SLC25A21: variants seen among roughly 807,000 people sequenced by gnomAD.
The protein encoded by SLC25A21 is mitochondrial 2-oxodicarboxylate carrier.
In SLC25A21, 47 loss-of-function variants were observed where a neutral mutation model predicts 43.8. The ratio of observed to expected loss-of-function variants is 1.07; its 90% CI spans 0.85 to 1.37. The LOEUF (loss-of-function observed/expected upper bound fraction) is 1.37, where lower values mean the gene tolerates loss of function less well. Ranked by LOEUF, SLC25A21 falls within the 40% of genes most tolerant of loss-of-function variation. The pLI is 0.00. For missense variants in SLC25A21, 352 were observed against 350.2 expected (o/e 1.00, Z -0.04); for synonymous variants, 131 against 121.3 (o/e 1.08, Z -0.52).
intron 1 of SLC25A21, among the ~76,000 whole-genome samples, chr14:36,893,641 T>C (rs1026097799): frequency 1.2e-4 from 19 of 152,374 alleles, no homozygotes; most frequent in African/African-American, 4.6e-4. Flanking sequence ...TGAATGGTAA[T>C]GCCTAGATTT....
intron 7 of SLC25A21, among the ~76,000 whole-genome samples, chr14:36,707,568 T>C (rs1883631118): frequency 6.6e-6 from 1 of 152,170 alleles, no homozygotes; most frequent in Non-Finnish European, 1.5e-5. Context: ...ATCTAGTATA[T>C]ATTTACTAGT....
intron 1 of SLC25A21, among the ~76,000 whole-genome samples, chr14:36,931,633 T>C (rs12587486): frequency 0.077 from 11,645 of 152,006 alleles, 701 homozygotes; most frequent in East Asian, 0.24. Flanking sequence ...ATTATTGGGG[T>C]TACGTGTTAG....
At chr14:37,005,289 T>C (rs1228593336) in intron 1 of SLC25A21, among the ~76,000 whole-genome samples, 1 of 146,512 alleles carries the variant, frequency 6.8e-6, no homozygotes, top group East Asian at 2.2e-4. Flanking sequence ...TCCATTGCAT[T>C]TGGACATGCA....
chr14:36,856,699 CG>C (rs1396338420), intron 2 of SLC25A21, among the ~76,000 whole-genome samples: 10 of 152,136 alleles, frequency 6.6e-5, no homozygotes, highest in Non-Finnish European at 1.5e-5. Context: ...TAGCAGAGGC[CG>C]GCACGCAAGG....
intron 1 of SLC25A21, among the ~76,000 whole-genome samples, chr14:37,084,819 T>C (rs1206383878): frequency 6.6e-6 from 1 of 152,214 alleles, no homozygotes; most frequent in African/African-American, 2.4e-5. Flanking sequence ...TTCAAGATTG[T>C]GTAGTACTGG....
At chr14:36,758,983 C>A (rs1362195166) in intron 3 of SLC25A21, among the ~76,000 whole-genome samples, 1 of 152,182 alleles carries the variant, frequency 6.6e-6, no homozygotes, top group Non-Finnish European at 1.5e-5. Flanking sequence ...TGAGCAACAA[C>A]CCAGAGACAC....
intron 2 of SLC25A21, among the ~76,000 whole-genome samples, chr14:36,830,725 C>T (rs1296354232): frequency 6.6e-6 from 1 of 152,084 alleles, no homozygotes; most frequent in East Asian, 1.9e-4. Flanking sequence ...AGTACTGCTG[C>T]CCTTCACCAC....
intron 3 of SLC25A21, among the ~76,000 whole-genome samples, chr14:36,739,953 T>A (rs1026956055): frequency 1.3e-5 from 2 of 152,038 alleles, no homozygotes; most frequent in Middle Eastern, 3.2e-3. Context: ...CAAGAGGGAA[T>A]GGTGTGCTGG....
intron 1 of SLC25A21, among the ~76,000 whole-genome samples, chr14:36,934,193 A>T (rs1017823479): frequency 2.0e-5 from 3 of 152,170 alleles, no homozygotes; most frequent in Non-Finnish European, 2.9e-5. Flanking sequence ...CATTATTATT[A>T]ACCTTTTAGG....
intron 2 of SLC25A21, among the ~76,000 whole-genome samples, chr14:36,864,890 T>C (rs752514420): frequency 2.6e-5 from 4 of 152,166 alleles, no homozygotes; most frequent in Non-Finnish European, 4.4e-5. Context: ...CATTAACATA[T>C]GGAAATAACC....
At chr14:37,040,441 A>G (rs572937257) in intron 1 of SLC25A21, among the ~76,000 whole-genome samples, 3 of 45,314 alleles carry the variant, frequency 6.6e-5, no homozygotes, top group Non-Finnish European at 1.1e-4. Flanking sequence ...GAAAGAAAGA[A>G]AAGAAAAATT....
chr14:37,108,819 A>C (rs1183882297), intron 1 of SLC25A21, among the ~76,000 whole-genome samples: 2 of 151,898 alleles, frequency 1.3e-5, no homozygotes, highest in Non-Finnish European at 2.9e-5. Context: ...ACAAGTCATA[A>C]TATCTAAAAT....
chr14:37,092,702 G>C (rs1033395721), intron 1 of SLC25A21, among the ~76,000 whole-genome samples: 6 of 152,082 alleles, frequency 3.9e-5, no homozygotes, highest in Non-Finnish European at 8.8e-5. Flanking sequence ...AAGTGGGGCG[G>C]AAAAACAAGG....
At chr14:36,890,770 G>C (rs1266569545) in intron 1 of SLC25A21, among the ~76,000 whole-genome samples, 1 of 152,158 alleles carries the variant, frequency 6.6e-6, no homozygotes, top group Non-Finnish European at 1.5e-5. Flanking sequence ...AGATTCAGAT[G>C]TTCTCTTTGT....
chr14:37,150,154 G>A (rs1320784089), intron 1 of SLC25A21, among the ~76,000 whole-genome samples: 3 of 152,042 alleles, frequency 2.0e-5, no homozygotes, highest in African/African-American at 4.8e-5. Context: ...TAAAACCTAC[G>A]TGTTTGGCAC....
At chr14:36,698,257 C>A (rs1203598861) in intron 7 of SLC25A21, among the ~76,000 whole-genome samples, 4 of 152,176 alleles carry the variant, frequency 2.6e-5, no homozygotes, top group Non-Finnish European at 4.4e-5. Context: ...TCTCTTCTGG[C>A]TTGTAGGTTT....
intron 3 of SLC25A21, among the ~76,000 whole-genome samples, chr14:36,789,897 T>A (rs1260602652): frequency 3.3e-5 from 4 of 122,740 alleles, no homozygotes; most frequent in African/African-American, 9.4e-5. Flanking sequence ...AAATATATAT[T>A]ATATATATTT....
intron 1 of SLC25A21, among the ~76,000 whole-genome samples, chr14:37,169,780 A>C (rs1339905255): frequency 6.6e-6 from 1 of 152,116 alleles, no homozygotes; most frequent in African/African-American, 2.4e-5. Flanking sequence ...ATAAAGATAA[A>C]GTTTTATGAA....
intron 6 of SLC25A21, among the ~76,000 whole-genome samples, chr14:36,716,963 A>G (rs752123094): frequency 2.0e-5 from 3 of 152,220 alleles, no homozygotes; most frequent in Non-Finnish European, 2.9e-5. Context: ...CCAATGGAAT[A>G]CGGGTGTTGT....
Sources: allele counts gnomAD v4.1 joint callset (sites outside exome capture counted in the v4.1 genomes callset), GRCh38; gene constraint gnomAD v4.1.1; transcripts MANE v1.5; gene names NCBI Gene and HGNC (gene_info 2026-07-23, HGNC 2026-07-21).